Variants in EYS observed in about 807,000 individuals in gnomAD.
EYS encodes EGF-like photoreceptor maintenance factor, also known as protein eyes shut homolog.
EYS carries 250 observed loss-of-function variants against 282.1 expected under a neutral mutation model. That is an observed-to-expected ratio of 0.89 (90% confidence interval 0.80 to 0.98). EYS has a LOEUF of 0.98. EYS is among the 50% of genes least tolerant of loss of function. The pLI, the probability that EYS is intolerant of heterozygous loss-of-function variation, is 0.00. For missense variants in EYS, 4,016 were observed against 3,709.0 expected (o/e 1.08, Z -2.15); for synonymous variants, 1,355 against 1,282.9 (o/e 1.06, Z -1.20).
chr6:64,903,154 C>G (rs530602098), intron 16 of EYS, among the ~76,000 whole-genome samples: 1 of 151,940 alleles, frequency 6.6e-6, no homozygotes, highest in Non-Finnish European at 1.5e-5. Context: ...TTATAATAAA[C>G]AGTTAAACAA....
chr6:65,089,309 G>A (rs1440817649), intron 12 of EYS, among the ~76,000 whole-genome samples: 2 of 152,164 alleles, frequency 1.3e-5, no homozygotes, highest in East Asian at 1.9e-4. Flanking sequence ...AGGAGAGGGT[G>A]CTGTGCCTGC....
At chr6:65,539,429 G>T (rs78740380) in intron 2 of EYS, among the ~76,000 whole-genome samples, 1,627 of 152,176 alleles carry the variant, frequency 0.011, 29 homozygotes, top group African/African-American at 0.037. Context: ...TTCTGAGAAA[G>T]CTATGATATA....
chr6:64,690,767 G>A (rs1356700748), intron 22 of EYS, among the ~76,000 whole-genome samples: 1 of 152,016 alleles, frequency 6.6e-6, no homozygotes, highest in Non-Finnish European at 1.5e-5. Context: ...CTCATAGGCG[G>A]GAATTGAATA....
chr6:65,452,374 T>C (rs985532775), intron 5 of EYS, among the ~76,000 whole-genome samples: 6 of 151,910 alleles, frequency 3.9e-5, no homozygotes, highest in African/African-American at 7.2e-5. Flanking sequence ...AAATAAGATG[T>C]TCTAATATTG....
chr6:65,430,743 C>T (rs1392679242), intron 5 of EYS, among the ~76,000 whole-genome samples: 2 of 152,152 alleles, frequency 1.3e-5, no homozygotes, highest in Non-Finnish European at 2.9e-5. Flanking sequence ...TGTTCCAGGC[C>T]CTAGCTGCCA....
intron 35 of EYS, among the ~76,000 whole-genome samples, chr6:63,928,554 G>A (rs1446132259): frequency 1.3e-5 from 2 of 151,418 alleles, no homozygotes; most frequent in Non-Finnish European, 2.9e-5. Flanking sequence ...GTGTGTGTGC[G>A]TGTGCGCATG....
intron 2 of EYS, among the ~76,000 whole-genome samples, chr6:65,564,350 A>G (rs183129706): frequency 1.2e-3 from 183 of 152,310 alleles, no homozygotes; most frequent in African/African-American, 4.4e-3. Context: ...AGTGGGAGGC[A>G]TCATGCTCCC....
chr6:64,622,894 G>T (rs901119904), intron 23 of EYS, among the ~76,000 whole-genome samples: 3 of 152,140 alleles, frequency 2.0e-5, no homozygotes, highest in South Asian at 2.1e-4. Flanking sequence ...ATGTGTAAAT[G>T]AAATGAATCA....
chr6:63,894,748 A>AT (rs908732695), intron 35 of EYS, among the ~76,000 whole-genome samples: 5 of 151,322 alleles, frequency 3.3e-5, no homozygotes, highest in Non-Finnish European at 5.9e-5. Context: ...TGCCCAGCTG[A>AT]TTTTTTTTAT....
At chr6:64,174,722 TAA>T (rs1312092070) in intron 31 of EYS, among the ~76,000 whole-genome samples, 1 of 151,962 alleles carries the variant, frequency 6.6e-6, no homozygotes, top group Non-Finnish European at 1.5e-5. Context: ...TTATTTAGTG[TAA>T]AAGACTTTCA....
chr6:64,324,302 T>C (rs1238541457), intron 29 of EYS, among the ~76,000 whole-genome samples: 3 of 152,338 alleles, frequency 2.0e-5, no homozygotes, highest in African/African-American at 2.4e-5. Flanking sequence ...GTAGGCTTTA[T>C]TTTTGGGATG....
At chr6:64,233,371 GT>G (rs1766487194) in intron 30 of EYS, among the ~76,000 whole-genome samples, 1 of 151,974 alleles carries the variant, frequency 6.6e-6, no homozygotes, top group Non-Finnish European at 1.5e-5. Flanking sequence ...AAATTTACTT[GT>G]TTTAAAATTT....
At chr6:64,143,274 T>C (rs903920554) in intron 31 of EYS, among the ~76,000 whole-genome samples, 14 of 143,202 alleles carry the variant, frequency 9.8e-5, no homozygotes, top group African/African-American at 3.1e-4. Flanking sequence ...TCCCAATCCA[T>C]AGAATGTGTA....
intron 12 of EYS, among the ~76,000 whole-genome samples, chr6:65,123,879 G>T (rs1278231858): frequency 6.6e-6 from 1 of 151,944 alleles, no homozygotes; most frequent in Non-Finnish European, 1.5e-5. Flanking sequence ...TTATCAGAAG[G>T]ATGTTCATAA....
chr6:64,133,491 C>CACAT (rs1554210926), intron 31 of EYS, among the ~76,000 whole-genome samples: 5 of 143,268 alleles, frequency 3.5e-5, no homozygotes, highest in Non-Finnish European at 1.5e-5. Flanking sequence ...CACACACACA[C>CACAT]ACACACACAC....
chr6:64,666,123 A>G (rs1055938732), intron 22 of EYS, among the ~76,000 whole-genome samples: 1 of 152,212 alleles, frequency 6.6e-6, no homozygotes, highest in Non-Finnish European at 1.5e-5. Flanking sequence ...AGAGGAGCAG[A>G]AAAATAACTA....
chr6:64,713,713 C>G (rs1019921543), intron 22 of EYS, among the ~76,000 whole-genome samples: 1 of 152,110 alleles, frequency 6.6e-6, no homozygotes, highest in Non-Finnish European at 1.5e-5. Context: ...AATGACAATT[C>G]TTGGAATTTC....
intron 30 of EYS, among the ~76,000 whole-genome samples, chr6:64,255,333 T>C (rs1022524151): frequency 6.6e-6 from 1 of 152,120 alleles, no homozygotes; most frequent in African/African-American, 2.4e-5. Flanking sequence ...TCAACTAAAA[T>C]GATGCTTATC....
chr6:64,171,919 G>A (rs539854113), intron 31 of EYS, among the ~76,000 whole-genome samples: 10 of 152,164 alleles, frequency 6.6e-5, no homozygotes, highest in Non-Finnish European at 1.3e-4. Context: ...ACTGCTCGTA[G>A]GTGAGGTGGT....
Sources: gnomAD v4.1 joint callset for allele counts (sites outside exome capture counted in the v4.1 genomes callset) on GRCh38, gnomAD v4.1.1 for gene constraint, MANE v1.5 for transcripts, NCBI Gene and HGNC (gene_info 2026-07-23, HGNC 2026-07-21) for gene names.